The following MCTP1 variants were observed in gnomAD, a reference collection of about 807,000 sequenced individuals.
MCTP1 encodes multiple C2 and transmembrane domain containing 1, also known as multiple C2 and transmembrane domain-containing protein 1.
A neutral mutation model predicts 120.6 loss-of-function variants in MCTP1; 69 were observed. The ratio of observed to expected loss-of-function variants is 0.57; its 90% CI spans 0.47 to 0.70. The LOEUF is 0.70. Ranked by LOEUF, MCTP1 falls within the 30% of genes least tolerant of loss-of-function variation. MCTP1 has a pLI of 0.00. For synonymous variants in MCTP1, 529 were observed against 493.1 expected (o/e 1.07, Z -0.96); for missense variants, 1,203 against 1,248.8 (o/e 0.96, Z 0.55).
chr5:95,168,715 A>G (rs1032252989), intron 1 of MCTP1, among the ~76,000 whole-genome samples: 2 of 152,198 alleles, frequency 1.3e-5, no homozygotes, highest in Non-Finnish European at 2.9e-5. Context: ...TTATTGGCAT[A>G]TAAGAATGCT....
chr5:95,066,484 A>C (rs1750694746), intron 1 of MCTP1, among the ~76,000 whole-genome samples: 2 of 152,224 alleles, frequency 1.3e-5, no homozygotes. Flanking sequence ...ATGATCCAGC[A>C]ATCTCACTAC....
At chr5:95,088,192 C>T (rs146150839) in intron 1 of MCTP1, among the ~76,000 whole-genome samples, 72 of 152,288 alleles carry the variant, frequency 4.7e-4, no homozygotes, top group African/African-American at 1.7e-3. Context: ...TTGGGCCAGA[C>T]CACAGACAGT....
intron 17 of MCTP1, among the ~76,000 whole-genome samples, chr5:94,823,344 A>T (rs1168677219): frequency 6.6e-6 from 1 of 152,194 alleles, no homozygotes; most frequent in Non-Finnish European, 1.5e-5. Context: ...GCCAAAGATC[A>T]GATGGTTGTA....
At chr5:94,895,380 A>G (rs1015798306) in intron 10 of MCTP1, among the ~76,000 whole-genome samples, 1 of 152,212 alleles carries the variant, frequency 6.6e-6, no homozygotes, top group Admixed American at 6.5e-5. Flanking sequence ...AAATCTCCTG[A>G]AAACATAATA....
chr5:94,897,040 A>G (rs544821788), intron 10 of MCTP1, among the ~76,000 whole-genome samples: 10 of 152,104 alleles, frequency 6.6e-5, no homozygotes, highest in African/African-American at 2.2e-4. Context: ...CAAAGTGGGT[A>G]ATATCTGGAC....
chr5:94,837,384 C>CAAACA (rs1790033458), intron 17 of MCTP1, among the ~76,000 whole-genome samples: 2 of 152,064 alleles, frequency 1.3e-5, no homozygotes, highest in East Asian at 1.9e-4. Context: ...CTGTCTCAAA[C>CAAACA]AAACAAAACA....
At chr5:95,169,400 G>T (rs1267634826) in intron 1 of MCTP1, among the ~76,000 whole-genome samples, 2 of 152,196 alleles carry the variant, frequency 1.3e-5, no homozygotes, top group Admixed American at 1.3e-4. Context: ...TCAGGATGAT[G>T]TTGGCCTCAT....
At chr5:94,978,166 A>G (rs547724259) in intron 2 of MCTP1, among the ~76,000 whole-genome samples, 1 of 152,256 alleles carries the variant, frequency 6.6e-6, no homozygotes, top group South Asian at 2.1e-4. Flanking sequence ...AAATACAATG[A>G]GACATCACCT....
intron 1 of MCTP1, among the ~76,000 whole-genome samples, chr5:95,226,220 C>G (rs1754247194): frequency 6.6e-6 from 1 of 152,060 alleles, no homozygotes; most frequent in African/African-American, 2.4e-5. Context: ...TAATCTGGAC[C>G]CAAGGATATT....
At chr5:95,095,706 AC>A (rs1756208345) in intron 1 of MCTP1, among the ~76,000 whole-genome samples, 1 of 152,210 alleles carries the variant, frequency 6.6e-6, no homozygotes, top group African/African-American at 2.4e-5. Flanking sequence ...TGTCAAGATA[AC>A]TGATTAAAAA....
intron 1 of MCTP1, among the ~76,000 whole-genome samples, chr5:95,202,047 G>T (rs1343378406): frequency 2.0e-5 from 3 of 152,146 alleles, no homozygotes; most frequent in African/African-American, 7.2e-5. Context: ...ATTGTTTCTA[G>T]GTTTGTCTGT....
At chr5:94,941,866 G>A (rs1249275035) in intron 4 of MCTP1, among the ~76,000 whole-genome samples, 1 of 151,988 alleles carries the variant, frequency 6.6e-6, no homozygotes, top group Non-Finnish European at 1.5e-5. Context: ...CTCCACCTTA[G>A]GAGCATTCCT....
intron 1 of MCTP1, among the ~76,000 whole-genome samples, chr5:95,034,099 C>A (rs1840801025): frequency 1.3e-5 from 2 of 152,064 alleles, no homozygotes; most frequent in Admixed American, 1.3e-4. Context: ...GAAAAACATT[C>A]CATGCTCATG....
At chr5:94,844,233 C>T (rs1014354311) in intron 17 of MCTP1, among the ~76,000 whole-genome samples, 2 of 130,290 alleles carry the variant, frequency 1.5e-5, no homozygotes, top group African/African-American at 5.8e-5. Flanking sequence ...AAGGCAGAGG[C>T]AAAGGTTGCA....
intron 19 of MCTP1, among the ~76,000 whole-genome samples, chr5:94,759,793 T>C (rs1770839131): frequency 6.6e-6 from 1 of 151,968 alleles, no homozygotes; most frequent in Admixed American, 6.6e-5. Flanking sequence ...AAGTGTTTTA[T>C]GTAAATTTTG....
intron 19 of MCTP1, among the ~76,000 whole-genome samples, chr5:94,735,697 T>A (rs1764067078): frequency 1.3e-5 from 2 of 152,214 alleles, no homozygotes; most frequent in South Asian, 4.1e-4. Context: ...TTTCCAGTAA[T>A]AGGAAGGTCA....
chr5:95,204,999 A>C (rs1054317160), intron 1 of MCTP1, among the ~76,000 whole-genome samples: 3 of 152,304 alleles, frequency 2.0e-5, no homozygotes, highest in East Asian at 3.9e-4. Flanking sequence ...CCTAAAATTC[A>C]TATGGAAATT....
chr5:94,733,841 G>A (rs1443493425), intron 19 of MCTP1, among the ~76,000 whole-genome samples: 1 of 151,900 alleles, frequency 6.6e-6, no homozygotes, highest in Non-Finnish European at 1.5e-5. Context: ...GCGGGCACCT[G>A]TAGTCCCAGC....
At chr5:94,959,105 G>C (rs989843637) in intron 2 of MCTP1, among the ~76,000 whole-genome samples, 2 of 152,110 alleles carry the variant, frequency 1.3e-5, no homozygotes, top group Admixed American at 6.6e-5. Context: ...GGGATGCAAG[G>C]CTGGTTCAAC....
Sources: allele counts gnomAD v4.1 joint callset (sites outside exome capture counted in the v4.1 genomes callset), GRCh38; gene constraint gnomAD v4.1.1; transcripts MANE v1.5; gene names NCBI Gene and HGNC (gene_info 2026-07-23, HGNC 2026-07-21).